Variants in TNFRSF10A observed in about 807,000 individuals in gnomAD.
TNFRSF10A encodes the protein tumor necrosis factor receptor superfamily member 10A.
A neutral mutation model predicts 42.8 loss-of-function variants in TNFRSF10A; 44 were observed. The ratio of observed to expected loss-of-function variants is 1.03; its 90% confidence interval spans 0.81 to 1.32. The LOEUF (loss-of-function observed/expected upper bound fraction) is 1.32. TNFRSF10A is among the 40% of genes most tolerant of loss of function. TNFRSF10A has a pLI of 0.00. For missense variants in TNFRSF10A, 680 were observed against 602.0 expected (o/e 1.13, Z -1.36); for synonymous variants, 259 against 234.2 (o/e 1.11, Z -0.97).
At chr8:23,194,258 G>A (rs1444461857) in intron 9 of TNFRSF10A, among the ~76,000 whole-genome samples, 1 of 152,128 alleles carries the variant, frequency 6.6e-6, no homozygotes, top group Non-Finnish European at 1.5e-5. Context: ...TACATGTTGT[G>A]TCTACCAAAT....
intron 8 of TNFRSF10A, 93 bp from the exon 9 acceptor site, chr8:23,197,297 C>T (rs1276756939): frequency 6.2e-6 from 9 of 1,453,576 alleles, no homozygotes; most frequent in South Asian, 1.1e-5. Flanking sequence ...AAACCTGCAG[C>T]ACATCACTTT....
At chr8:23,218,326 A>G (rs1014481056) in intron 1 of TNFRSF10A, among the ~76,000 whole-genome samples, 6 of 151,990 alleles carry the variant, frequency 3.9e-5, no homozygotes, top group Non-Finnish European at 7.4e-5. Context: ...GCATTGTGTT[A>G]GGCTGTTTCA....
intron 2 of TNFRSF10A, among the ~76,000 whole-genome samples, chr8:23,209,807 A>C (rs1484228282): frequency 6.6e-6 from 1 of 152,242 alleles, no homozygotes; most frequent in Non-Finnish European, 1.5e-5. Context: ...TGGACGGTGA[A>C]CTTCCGAGCT....
At chr8:23,212,344 C>T (rs1040883965) in intron 1 of TNFRSF10A, 132 bp from the exon 2 acceptor site, 6 of 753,718 alleles carry the variant, frequency 8.0e-6, no homozygotes, top group African/African-American at 1.7e-5. Flanking sequence ...TTCTAAAACT[C>T]AACCATTTGT....
In TNFRSF10A at chr8:23,199,253, G is replaced by A. The variant is rs1358600390; in HGVS notation, c.1014+13C>T. ...TGCCTACAAGGTCTTGGAGGGGCCT[G>A]TCCCCAACTCACCAGCAGACACTGT... On this transcript the variant is annotated intron_variant, in intron 8 of 9. Coordinates refer to ENST00000221132, the MANE Select transcript of TNFRSF10A (RefSeq NM_003844.4). 6.2e-7 allele frequency: 1 copy of A among 1,609,132 alleles called. No individual in the cohort carries two copies. The highest frequency in any genetic ancestry group is 1.7e-5 in the Admixed American group (1 of 59,942).
At chr8:23,216,889 G>A (rs943001374) in intron 1 of TNFRSF10A, among the ~76,000 whole-genome samples, 3 of 152,094 alleles carry the variant, frequency 2.0e-5, no homozygotes, top group Admixed American at 2.0e-4. Context: ...TGAGATCAGA[G>A]AACATATTTT....
chr8:23,217,606 T>C (rs1342721980), intron 1 of TNFRSF10A, among the ~76,000 whole-genome samples: 1 of 152,190 alleles, frequency 6.6e-6, no homozygotes, highest in Non-Finnish European at 1.5e-5. Flanking sequence ...CTGGTGACTC[T>C]GGACCTGGAC....
At chr8:23,192,246 C>T (rs1800767118) in intron 9 of TNFRSF10A, among the ~76,000 whole-genome samples, 1 of 152,226 alleles carries the variant, frequency 6.6e-6, no homozygotes, top group Non-Finnish European at 1.5e-5. Flanking sequence ...AGAGAATCTG[C>T]CCTCAGAGAG....
chr8:23,212,021 G>A (rs917548412), intron 2 of TNFRSF10A, 95 bp downstream of exon 2: 22 of 1,112,904 alleles, frequency 2.0e-5, no homozygotes, highest in Admixed American at 3.9e-5. Flanking sequence ...CATGGAAAAG[G>A]AATGTTATTG....
intron 1 of TNFRSF10A, among the ~76,000 whole-genome samples, chr8:23,216,846 A>G (rs1801190818): frequency 6.6e-6 from 1 of 152,196 alleles, no homozygotes; most frequent in Non-Finnish European, 1.5e-5. Flanking sequence ...GAGTCCTTCT[A>G]GATATTGTTA....
chr8:23,215,818 CT>C (rs752874036), intron 1 of TNFRSF10A, among the ~76,000 whole-genome samples: 1,751 of 142,554 alleles, frequency 0.012, 24 homozygotes, highest in African/African-American at 0.035. Context: ...TGGTTTATTA[CT>C]TTTTTTTTTT....
At chr8:23,208,746 G>A (rs1021219146) in intron 2 of TNFRSF10A, among the ~76,000 whole-genome samples, 57 of 152,252 alleles carry the variant, frequency 3.7e-4, no homozygotes, top group African/African-American at 1.1e-3. Context: ...ATGAGCCACC[G>A]CGCCTGGCCG....
intron 1 of TNFRSF10A, among the ~76,000 whole-genome samples, chr8:23,214,461 C>A (rs186444921): frequency 5.7e-4 from 86 of 150,570 alleles, no homozygotes; most frequent in African/African-American, 2.0e-3. Flanking sequence ...GCACTCCAGC[C>A]TGGACGACAG....
rs988311356 is a variant in TNFRSF10A at position 23,200,604 on chromosome 8, A to C, written c.704-4T>G. On this transcript the variant is annotated splice_polypyrimidine_tract_variant and splice_region_variant and intron_variant, in intron 5 of 9. Transcript: ENST00000221132. The stretch of plus-strand genomic sequence containing the variant: ...ACCCATATATTATGTCCATTGCCTG[A>C]GAAAAGACAGGAAAAGACAGGAGTC... The C allele has an allele frequency of 1.2e-6, 2 of 1,614,112 alleles. No homozygotes were observed. Among genetic ancestry groups the C allele is most frequent in the African/African-American group, 2.7e-5 (2 of 74,932 alleles).
chr8:23,213,974 T>G (rs907543661), intron 1 of TNFRSF10A, among the ~76,000 whole-genome samples: 2 of 152,088 alleles, frequency 1.3e-5, no homozygotes, highest in African/African-American at 4.8e-5. Context: ...TGTTGTTACA[T>G]GGATAAGTTC....
At chr8:23,197,654 G>A (rs1365605735) in intron 8 of TNFRSF10A, among the ~76,000 whole-genome samples, 1 of 152,110 alleles carries the variant, frequency 6.6e-6, no homozygotes, top group African/African-American at 2.4e-5. Flanking sequence ...TAGAAATAAA[G>A]TACACAATAA....
chr8:23,202,971 T>C (rs771280112), intron 2 of TNFRSF10A, among the ~76,000 whole-genome samples: 8 of 152,058 alleles, frequency 5.3e-5, no homozygotes, highest in Non-Finnish European at 1.0e-4. Context: ...CATGCAAAAT[T>C]CAAATTCTAT....
intron 2 of TNFRSF10A, among the ~76,000 whole-genome samples, chr8:23,203,862 C>T (rs1389197033): frequency 6.6e-6 from 1 of 151,692 alleles, no homozygotes; most frequent in Non-Finnish European, 1.5e-5. Context: ...CTGTAACCTC[C>T]GCCTCCTGGG....
At chr8:23,218,410 A>G (rs547453112) in intron 1 of TNFRSF10A, among the ~76,000 whole-genome samples, 1 of 152,158 alleles carries the variant, frequency 6.6e-6, no homozygotes, top group South Asian at 2.1e-4. Context: ...TATTGATCTT[A>G]AAATGAGCAA....
Sources: gnomAD v4.1 joint callset for allele counts (sites outside exome capture counted in the v4.1 genomes callset) on GRCh38, gnomAD v4.1.1 for gene constraint, MANE v1.5 for transcripts, NCBI Gene and HGNC (gene_info 2026-07-23, HGNC 2026-07-21) for gene names.